The following SORCS3 variants were observed in gnomAD, a reference collection of about 807,000 sequenced individuals.
The protein encoded by SORCS3 is sortilin related VPS10 domain containing receptor 3.
In SORCS3, 57 loss-of-function variants were observed where a neutral mutation model predicts 146.3. The ratio of observed to expected loss-of-function variants is 0.39; its 90% CI spans 0.31 to 0.49. The LOEUF is 0.49. SORCS3 is among the 20% of genes least tolerant of loss of function. SORCS3 has a pLI of 0.92. For synonymous variants in SORCS3, 653 were observed against 618.5 expected (o/e 1.06, Z -0.83); for missense variants, 1,341 against 1,575.5 (o/e 0.85, Z 2.52).
intron 1 of SORCS3, among the ~76,000 whole-genome samples, chr10:104,831,369 A>G (rs2017998800): frequency 6.6e-6 from 1 of 152,208 alleles, no homozygotes; most frequent in African/African-American, 2.4e-5. Flanking sequence ...TATGGGCACC[A>G]TCTATTTATC....
intron 5 of SORCS3, among the ~76,000 whole-genome samples, chr10:105,065,008 A>G (rs1024044675): frequency 2.6e-5 from 4 of 152,238 alleles, no homozygotes; most frequent in Non-Finnish European, 5.9e-5. Context: ...CTAGTCAGAT[A>G]TATAAACATA....
In SORCS3 at chr10:105,147,800, T is replaced by A; in HGVS notation, c.1482+4T>A. ...CATCATTATTGAATTGTATGAGGTA[T>A]GTAGCCAAAATTCTCCTTCCCTTGG... On this transcript the variant is annotated splice_donor_region_variant and intron_variant, in intron 9 of 26. Coordinates refer to ENST00000369701, the MANE Select transcript of SORCS3 (RefSeq NM_014978.3). 6.2e-7 allele frequency: 1 copy of A among 1,607,460 alleles called. No homozygotes were observed. Among genetic ancestry groups the A allele is most frequent in the Non-Finnish European group, 8.5e-7 (1 of 1,176,188 alleles).
Position 104,641,522 on chromosome 10 carries a change from C to T in SORCS3, c.195C>T (p.Ala65=). The T allele has an allele frequency of 6.8e-7, 1 of 1,474,508 alleles. No homozygotes were observed. The highest frequency in any genetic ancestry group is 8.9e-7 in the Non-Finnish European group (1 of 1,121,842). 91.3% of individuals were successfully genotyped at this position (1,474,508 alleles called of 1,614,324 possible). A position where few individuals can be genotyped will look rare whatever the true frequency, so the allele number is the denominator to read the frequency against. The change falls in exon 1 of 27, where the codon GCC becomes GCT. Residue 65 remains alanine (A), a synonymous_variant. Transcript: ENST00000369701. The surrounding 1 kb of genome is among the most constrained non-coding windows in gnomAD (Gnocchi z 6.4). ...CTCCACTCTCGCCGCGGGCAGTGGC[C>T]AGCCAGTGGCCGGAGGAGCTGGCGT... is the stretch of plus-strand genomic sequence containing the variant. The part of the protein sequence containing the change: ...ALSPLSPRAV[A]SQWPEELASA...
intron 20 of SORCS3, among the ~76,000 whole-genome samples, chr10:105,231,291 G>A (rs984145087): frequency 5.3e-5 from 8 of 152,154 alleles, no homozygotes; most frequent in Non-Finnish European, 1.0e-4. Context: ...CCTTGGTATC[G>A]TGTTTTTAAT....
intron 3 of SORCS3, among the ~76,000 whole-genome samples, chr10:104,974,247 A>C (rs577118727): frequency 5.7e-4 from 87 of 151,934 alleles, no homozygotes; most frequent in Non-Finnish European, 1.1e-3. Flanking sequence ...TCCTGGGTAT[A>C]CTTGTTAATT....
chr10:104,952,547 TAGTCTC>T (rs1296710980), intron 3 of SORCS3, among the ~76,000 whole-genome samples: 1 of 152,212 alleles, frequency 6.6e-6, no homozygotes, highest in African/African-American at 2.4e-5. Context: ...TGGCTTTTCT[TAGTCTC>T]AGTGTCCAAG....
chr10:105,100,760 C>T (rs2055778650), intron 6 of SORCS3, among the ~76,000 whole-genome samples: 1 of 152,200 alleles, frequency 6.6e-6, no homozygotes, highest in Non-Finnish European at 1.5e-5. Context: ...TAAATTGAAT[C>T]TGTAAAAGAT....
At chr10:105,146,414 A>G (rs1318686227) in intron 8 of SORCS3, among the ~76,000 whole-genome samples, 1 of 152,056 alleles carries the variant, frequency 6.6e-6, no homozygotes, top group Non-Finnish European at 1.5e-5. Context: ...GATTAAAACT[A>G]AAGTGATGTC....
chr10:105,256,571 T>C (rs1457917496), intron 24 of SORCS3, among the ~76,000 whole-genome samples: 1 of 152,168 alleles, frequency 6.6e-6, no homozygotes, highest in Non-Finnish European at 1.5e-5. Context: ...CGTTGTTCAA[T>C]TTATACCAAG....
chr10:105,144,101 ATTCT>A (rs1366201368), intron 8 of SORCS3, among the ~76,000 whole-genome samples: 1 of 152,122 alleles, frequency 6.6e-6, no homozygotes, highest in Non-Finnish European at 1.5e-5. Flanking sequence ...ATTTTGTGCT[ATTCT>A]TTGGGCAAAA....
chr10:105,084,220 A>G (rs1475888468), intron 5 of SORCS3, among the ~76,000 whole-genome samples: 1 of 152,262 alleles, frequency 6.6e-6, no homozygotes, highest in East Asian at 1.9e-4. Context: ...TTTACTGAAG[A>G]GAAAAATTAG....
intron 3 of SORCS3, among the ~76,000 whole-genome samples, chr10:104,938,293 AG>A (rs1187083134): frequency 1.3e-5 from 2 of 152,134 alleles, no homozygotes; most frequent in African/African-American, 4.8e-5. Context: ...AATGTTTTTC[AG>A]GGGGAAGTGT....
chr10:104,785,282 C>G (rs1403273908), intron 1 of SORCS3, among the ~76,000 whole-genome samples: 5 of 145,406 alleles, frequency 3.4e-5, no homozygotes, highest in Non-Finnish European at 7.5e-5. Flanking sequence ...GTGACCTTAC[C>G]CCCAACCCTG....
At chr10:105,138,966 T>C (rs2056076700) in intron 7 of SORCS3, among the ~76,000 whole-genome samples, 1 of 152,252 alleles carries the variant, frequency 6.6e-6, no homozygotes, top group Non-Finnish European at 1.5e-5. Context: ...CTTTGAACAA[T>C]AGTAATTATT....
At chr10:104,776,886 A>C (rs1430154074) in intron 1 of SORCS3, among the ~76,000 whole-genome samples, 2 of 151,980 alleles carry the variant, frequency 1.3e-5, no homozygotes, top group Non-Finnish European at 2.9e-5. Flanking sequence ...AAAAAAAAAA[A>C]AAAACCTCAC....
chr10:104,982,571 A>G (rs536313971), intron 4 of SORCS3, among the ~76,000 whole-genome samples: 12 of 152,336 alleles, frequency 7.9e-5, no homozygotes, highest in Admixed American at 5.2e-4. Context: ...ACTTAAAGAA[A>G]AACATTGCAT....
At chr10:104,894,651 TTC>T (rs1215695958) in intron 2 of SORCS3, among the ~76,000 whole-genome samples, 12 of 152,170 alleles carry the variant, frequency 7.9e-5, no homozygotes, top group African/African-American at 2.4e-4. Context: ...CACGAGGTAT[TTC>T]TGAGCTAGCA....
At position 105,263,487 on chromosome 10, in the gene SORCS3, C is replaced by A; in HGVS notation, c.*113C>A. On this transcript the variant is annotated 3_prime_UTR_variant, in exon 27 of 27. Transcript: ENST00000369701. ...TTTTTTACCTTTTGTTTACCAAGGG[C>A]CCCTTCATAAATAGCAGGCAAATGC... 9.5e-7 allele frequency: 1 copy of A among 1,047,252 alleles called. No individual in the cohort carries two copies. The highest frequency in any genetic ancestry group is 1.4e-6 in the Non-Finnish European group (1 of 710,082). 64.9% of individuals were successfully genotyped at this position (1,047,252 alleles called of 1,614,324 possible). A position where few individuals can be genotyped will look rare whatever the true frequency, so the allele number is the denominator to read the frequency against.
At chr10:104,834,540 A>G (rs2018043267) in intron 1 of SORCS3, among the ~76,000 whole-genome samples, 1 of 151,822 alleles carries the variant, frequency 6.6e-6, no homozygotes. Flanking sequence ...CTCCTTATTT[A>G]CTTTTGCAAC....
Sources: allele counts gnomAD v4.1 joint callset (sites outside exome capture counted in the v4.1 genomes callset), GRCh38; gene constraint gnomAD v4.1.1; non-coding constraint Gnocchi (gnomAD v3.1); transcripts MANE v1.5; gene names NCBI Gene and HGNC (gene_info 2026-07-23, HGNC 2026-07-21).